The following TBC1D8 variants were observed in gnomAD, a reference collection of about 807,000 sequenced individuals.
The protein encoded by TBC1D8 is TBC1 domain family member 8.
TBC1D8 carries 65 observed loss-of-function variants against 118.8 expected under a neutral mutation model. That is an observed-to-expected ratio of 0.55 (90% CI 0.45 to 0.67). The LOEUF (loss-of-function observed/expected upper bound fraction) is 0.67. Ranked by LOEUF, TBC1D8 falls within the 30% of genes least tolerant of loss-of-function variation. The pLI, the probability that TBC1D8 is intolerant of heterozygous loss-of-function variation, is 0.00. For missense variants in TBC1D8, 1,376 were observed against 1,471.2 expected (o/e 0.94, Z 1.06); for synonymous variants, 566 against 595.8 (o/e 0.95, Z 0.73).
chr2:101,027,579 G>C (rs1680410310), intron 14 of TBC1D8, 128 bp from the exon 15 acceptor site: 6 of 755,740 alleles, frequency 7.9e-6, no homozygotes, highest in Non-Finnish European at 1.4e-5. Flanking sequence ...TCCCACAAAG[G>C]CTCTTTTCTG....
Position 101,050,416 on chromosome 2 carries a change from C to G in TBC1D8, c.857G>C (p.Ser286Thr). The part of the protein sequence containing the change: ...FDLDPDLQEP[S>T]QITKRDLEAR... ...TCACTTTCACCTCTTGGTGATCTGG[C>G]TCGGCTCCTGCAGATCGGGGTCGAG... is the stretch of plus-strand genomic sequence containing the variant. The change falls in exon 5 of 20, where the codon AGC (serine) becomes ACC (threonine). Residue 286 changes from serine to threonine, a missense_variant. Transcript: ENST00000409318. The G allele has an allele frequency of 6.2e-7, 1 of 1,613,146 alleles. No homozygotes were observed. Among genetic ancestry groups the G allele is most frequent in the Non-Finnish European group, 8.5e-7 (1 of 1,179,834 alleles).
intron 1 of TBC1D8, among the ~76,000 whole-genome samples, chr2:101,141,495 G>A (rs1157588781): frequency 6.6e-6 from 1 of 152,126 alleles, no homozygotes; most frequent in African/African-American, 2.4e-5. Context: ...GCTGGGTTGG[G>A]GGAGGGAAGA....
chr2:101,144,527 C>T (rs913884734), intron 1 of TBC1D8, among the ~76,000 whole-genome samples: 2 of 152,106 alleles, frequency 1.3e-5, no homozygotes, highest in African/African-American at 2.4e-5. Context: ...GCCTGCAACC[C>T]CCAACAGTGA....
At chr2:101,146,768 G>A (rs558213441) in intron 1 of TBC1D8, among the ~76,000 whole-genome samples, 5 of 151,976 alleles carry the variant, frequency 3.3e-5, no homozygotes, top group Admixed American at 6.6e-5. Flanking sequence ...TGTAATACAC[G>A]GTACCACCAC....
At chr2:101,118,686 A>G (rs538198600) in intron 1 of TBC1D8, among the ~76,000 whole-genome samples, 16 of 141,738 alleles carry the variant, frequency 1.1e-4, no homozygotes, top group African/African-American at 1.6e-4. Context: ...GACAGAATGA[A>G]ACTCCATCTC....
chr2:101,088,519 C>T (rs989628055), intron 2 of TBC1D8, among the ~76,000 whole-genome samples: 7 of 152,020 alleles, frequency 4.6e-5, no homozygotes, highest in South Asian at 2.1e-4. Flanking sequence ...AACTCCTGAC[C>T]TCGTGATCCA....
At chr2:101,119,964 A>C (rs891840091) in intron 1 of TBC1D8, among the ~76,000 whole-genome samples, 3 of 152,304 alleles carry the variant, frequency 2.0e-5, no homozygotes, top group Non-Finnish European at 2.9e-5. Flanking sequence ...ATGAATTTGA[A>C]GATGCTCCCT....
intron 17 of TBC1D8, among the ~76,000 whole-genome samples, chr2:101,015,529 C>A (rs1679563639): frequency 6.6e-6 from 1 of 152,164 alleles, no homozygotes; most frequent in Non-Finnish European, 1.5e-5. Flanking sequence ...ACACATTGTA[C>A]AGCTGTGAAA....
chr2:101,043,597 G>A (rs927258578), intron 5 of TBC1D8, among the ~76,000 whole-genome samples: 1 of 152,122 alleles, frequency 6.6e-6, no homozygotes, highest in African/African-American at 2.4e-5. Context: ...CCAGAAGGGT[G>A]GGAGTACTTG....
chr2:101,046,497 G>A (rs965531065), intron 5 of TBC1D8, among the ~76,000 whole-genome samples: 4 of 152,202 alleles, frequency 2.6e-5, no homozygotes, highest in African/African-American at 2.4e-5. Flanking sequence ...GGTGAGACAT[G>A]GGCCTTCTCT....
At position 101,037,183 on chromosome 2, in the gene TBC1D8, C is replaced by CA. The variant is rs202005662; in HGVS notation, c.1452+348dup. Among the ~76,000 whole-genome samples the CA allele has an allele frequency of 4.5e-4, 67 of 150,356 alleles. 1 individual carries two copies. The East Asian group carries it at 0.01, about 23-fold the overall frequency. ...ACTGGTGACCTCTTCTCCCAGAAGACAAAAAAAAAGGAAAAAGGAAAGCTA... is the reference window on the plus strand; with the variant it reads ...ACTGGTGACCTCTTCTCCCAGAAGACAAAAAAAAAAGGAAAAAGGAAAGCTA... On this transcript the variant is annotated intron_variant, in intron 8 of 19. Transcript: ENST00000409318.
intron 17 of TBC1D8, among the ~76,000 whole-genome samples, chr2:101,014,039 G>C (rs896330938): frequency 2.0e-5 from 3 of 152,180 alleles, no homozygotes; most frequent in Admixed American, 1.3e-4. Context: ...AGGATCTACT[G>C]TAAGAAAAAT....
At chr2:101,149,663 T>G (rs1251138906) in intron 1 of TBC1D8, among the ~76,000 whole-genome samples, 1 of 152,130 alleles carries the variant, frequency 6.6e-6, no homozygotes, top group Admixed American at 6.5e-5. Context: ...TACACTGCCC[T>G]CAAAGAAAGG....
At chr2:101,028,490 G>A in intron 12 of TBC1D8, 58 bp from the exon 13 acceptor site, 3 of 1,507,704 alleles carry the variant, frequency 2.0e-6, no homozygotes, top group Non-Finnish European at 2.6e-6. Context: ...CCACAACACG[G>A]GCTGCCTTCA....
intron 17 of TBC1D8, among the ~76,000 whole-genome samples, chr2:101,020,308 A>C (rs1437480178): frequency 6.6e-6 from 1 of 151,000 alleles, no homozygotes; most frequent in Non-Finnish European, 1.5e-5. Context: ...AGATATAGAT[A>C]ATGACAACTA....
rs185499093 is a variant in TBC1D8, at chr2:101,151,377, C to A, written c.-124G>T. On this transcript the variant is annotated 5_prime_UTR_variant, in exon 1 of 20. Coordinates refer to ENST00000409318, the MANE Select transcript of TBC1D8 (RefSeq NM_001330348.2). The stretch of plus-strand genomic sequence containing the variant: ...GGACCACAGCCCGGCCGGTGCCCAG[C>A]GCTCTGAGAGCCCGCGGAGCGCAGC... 3,168 of 963,422 alleles carry A rather than the reference C, an allele frequency of 3.3e-3. 82 individuals are homozygous for A. In the African/African-American group the frequency reaches 0.052, roughly 16 times the overall value. 59.7% of individuals were successfully genotyped at this position (963,422 alleles called of 1,614,324 possible). A position where few individuals can be genotyped will look rare whatever the true frequency, so the allele number is the denominator to read the frequency against.
intron 17 of TBC1D8, 76 bp downstream of exon 17, chr2:101,021,596 AAGAGAAGAG>A: frequency 1.0e-6 from 1 of 971,218 alleles, no homozygotes; most frequent in Admixed American, 2.5e-5. Flanking sequence ...GAACTTTAAA[AAGAGAAGAG>A]CTTCAGAGTC....
At chr2:101,102,046 T>C (rs1164897730) in intron 1 of TBC1D8, among the ~76,000 whole-genome samples, 1 of 51,672 alleles carries the variant, frequency 1.9e-5, no homozygotes, top group Non-Finnish European at 3.5e-5. Context: ...AGGAGGGGAG[T>C]GGAGAGGAGG....
chr2:101,021,624 A>G (rs1680033054), intron 17 of TBC1D8, 57 bp downstream of exon 17: 1 of 1,186,390 alleles, frequency 8.4e-7, no homozygotes, highest in Non-Finnish European at 1.2e-6. Context: ...TCATGCACAA[A>G]GCTGATACTG....
Sources: allele counts gnomAD v4.1 joint callset (sites outside exome capture counted in the v4.1 genomes callset), GRCh38; gene constraint gnomAD v4.1.1; transcripts MANE v1.5; gene names NCBI Gene and HGNC (gene_info 2026-07-23, HGNC 2026-07-21).